The following ASXL3 variants were observed in gnomAD, a reference collection of about 807,000 sequenced individuals.
The protein encoded by ASXL3 is ASXL transcriptional regulator 3.
A neutral mutation model predicts 170.6 loss-of-function variants in ASXL3; 34 were observed. The ratio of observed to expected loss-of-function variants is 0.20; its 90% CI spans 0.15 to 0.27. The LOEUF (loss-of-function observed/expected upper bound fraction) is 0.27, where lower values mean the gene tolerates loss of function less well. ASXL3 is among the 10% of genes least tolerant of loss of function. ASXL3 has a pLI of 1.00. For synonymous variants in ASXL3, 1,002 were observed against 989.1 expected (o/e 1.01, Z -0.24); for missense variants, 2,592 against 2,695.3 (o/e 0.96, Z 0.85).
intron 5 of ASXL3, among the ~76,000 whole-genome samples, chr18:33,666,725 A>G (rs947571387): frequency 3.9e-5 from 6 of 152,214 alleles, no homozygotes; most frequent in Admixed American, 2.6e-4. Context: ...GGTGTTAGAC[A>G]TAGCCTCACA....
At position 33,745,354 on chromosome 18, in the gene ASXL3, G is replaced by C. The variant is rs200441915; in HGVS notation, c.5506G>C (p.Gly1836Arg). The C allele has an allele frequency of 1.5e-5, 25 of 1,613,970 alleles. No homozygotes were observed. The Admixed American group carries it at 4.2e-4, about 27-fold the overall frequency. ...HPKKRVARTV[G>R]EHTQVKCEPG... The stretch of plus-strand genomic sequence containing the variant: ...CAAAAAGAGAGTAGCTAGGACTGTA[G>C]GAGAACACACTCAAGTTAAATGTGA... Residue 1836 changes from glycine (G) to arginine (R), a missense_variant, in exon 12 of 12, where the codon GGA (glycine) becomes CGA (arginine). Coordinates refer to ENST00000269197, the MANE Select transcript of ASXL3 (RefSeq NM_030632.3).
chr18:33,647,836 TG>T (rs2065938017), intron 4 of ASXL3, among the ~76,000 whole-genome samples: 1 of 151,830 alleles, frequency 6.6e-6, no homozygotes, highest in Non-Finnish European at 1.5e-5. Context: ...TGGTGACAAG[TG>T]ATATGGGGCA....
chr18:33,696,637 G>T (rs1194877802), intron 8 of ASXL3, among the ~76,000 whole-genome samples: 1 of 152,036 alleles, frequency 6.6e-6, no homozygotes, highest in Non-Finnish European at 1.5e-5. Context: ...TCTGAGTGAG[G>T]GGGGCTGGAG....
intron 7 of ASXL3, among the ~76,000 whole-genome samples, chr18:33,677,399 A>T (rs942707680): frequency 1.2e-4 from 19 of 152,182 alleles, no homozygotes; most frequent in African/African-American, 4.6e-4. Context: ...TTTTAATTAA[A>T]AGTACAAAAT....
intron 10 of ASXL3, among the ~76,000 whole-genome samples, chr18:33,737,851 G>A (rs1272822109): frequency 2.0e-5 from 3 of 152,012 alleles, no homozygotes; most frequent in African/African-American, 4.8e-5. Context: ...TTCATCTTCC[G>A]TTCATCTTAA....
intron 1 of ASXL3, among the ~76,000 whole-genome samples, chr18:33,585,709 A>C (rs2065029079): frequency 6.6e-6 from 1 of 152,230 alleles, no homozygotes; most frequent in African/African-American, 2.4e-5. Context: ...AACTTAAATG[A>C]CATCCAAGGC....
intron 2 of ASXL3, chr18:33,614,818 A>C (rs1202812921): frequency 1.3e-5 from 2 of 151,608 alleles, no homozygotes; most frequent in Non-Finnish European, 2.9e-5. Flanking sequence ...TTTTGAAAGG[A>C]ATCTTTTTTT....
intron 10 of ASXL3, among the ~76,000 whole-genome samples, chr18:33,735,919 C>T (rs983672457): frequency 6.6e-6 from 1 of 152,114 alleles, no homozygotes; most frequent in African/African-American, 2.4e-5. Flanking sequence ...TTCAAGGGAC[C>T]TACATTACAG....
intron 1 of ASXL3, among the ~76,000 whole-genome samples, chr18:33,590,109 A>ATTTTTTTTTTTTTTTT (rs2065064334): frequency 2.2e-5 from 2 of 90,518 alleles, no homozygotes; most frequent in Admixed American, 9.8e-5. Context: ...TTTGCTTTCT[A>ATTTTTTTTTTTTTTTT]TGTTTTTTTT....
intron 3 of ASXL3, 51 bp downstream of exon 3, chr18:33,645,053 C>A: frequency 7.6e-7 from 1 of 1,311,716 alleles, no homozygotes; most frequent in South Asian, 1.4e-5. Flanking sequence ...TGCATTTTTT[C>A]AGACATGTGA....
At chr18:33,627,570 C>G (rs1259918100) in intron 2 of ASXL3, among the ~76,000 whole-genome samples, 4 of 152,096 alleles carry the variant, frequency 2.6e-5, no homozygotes, top group African/African-American at 9.7e-5. Context: ...TCCTTGTTCA[C>G]TCTTTTCCTT....
At chr18:33,710,623 T>G (rs1415605933) in intron 8 of ASXL3, among the ~76,000 whole-genome samples, 1 of 152,222 alleles carries the variant, frequency 6.6e-6, no homozygotes, top group Non-Finnish European at 1.5e-5. Flanking sequence ...TTAAATAGGA[T>G]CAATTCCAAC....
At position 33,665,390 on chromosome 18, in the gene ASXL3, T is replaced by C. The variant is rs373959376; in HGVS notation, c.477+3653T>C. Among the ~76,000 whole-genome samples the C allele has an allele frequency of 5.3e-5, 8 of 152,216 alleles. No homozygotes were observed. In the East Asian group the frequency reaches 1.2e-3, roughly 22 times the overall value. On this transcript the variant is annotated intron_variant, in intron 5 of 11. Coordinates refer to ENST00000269197, the MANE Select transcript of ASXL3 (RefSeq NM_030632.3). ...TTCCAAAGGTTATATTGCATGATAG[T>C]AGTTTCTGAACATGGGCATTGACAT...
chr18:33,747,864 T>G lies in ASXL3; in HGVS notation c.*1269T>G, dbSNP rs1376564159. On this transcript the variant is annotated 3_prime_UTR_variant, in exon 12 of 12. Coordinates refer to ENST00000269197, the MANE Select transcript of ASXL3 (RefSeq NM_030632.3). ...ACTGCATCTTAACAGTTATCTTCAG[T>G]GTGCATCCAGTAAAGTCTGCGTGTT... 6.6e-6 allele frequency: 1 copy of G among 152,218 alleles called. No individual in the cohort carries two copies. Among genetic ancestry groups the G allele is most frequent in the Non-Finnish European group, 1.5e-5 (1 of 68,032 alleles). The allele number at this position is 152,218 out of a possible 1,614,324, so 9.4% of individuals were successfully genotyped here.
intron 8 of ASXL3, among the ~76,000 whole-genome samples, chr18:33,721,686 C>T (rs2067262782): frequency 6.6e-6 from 1 of 152,078 alleles, no homozygotes; most frequent in East Asian, 1.9e-4. Flanking sequence ...TTTGTGTTCA[C>T]TTTTGCTTGA....
At chr18:33,603,434 C>G (rs901588927) in intron 1 of ASXL3, among the ~76,000 whole-genome samples, 10 of 151,780 alleles carry the variant, frequency 6.6e-5, no homozygotes, top group Non-Finnish European at 1.2e-4. Context: ...TTTTTTCTCC[C>G]CATACTAGGA....
intron 2 of ASXL3, among the ~76,000 whole-genome samples, chr18:33,637,519 G>A (rs1336424570): frequency 6.6e-6 from 1 of 152,052 alleles, no homozygotes; most frequent in Non-Finnish European, 1.5e-5. Context: ...TAATATGATG[G>A]GAGAGAATGA....
intron 4 of ASXL3, among the ~76,000 whole-genome samples, chr18:33,654,430 T>C (rs1460156075): frequency 6.6e-6 from 1 of 152,116 alleles, no homozygotes; most frequent in Non-Finnish European, 1.5e-5. Flanking sequence ...TTAGTTATAT[T>C]GTATAAGCAT....
chr18:33,734,504 A>G, intron 10 of ASXL3, 89 bp downstream of exon 10: 1 of 716,520 alleles, frequency 1.4e-6, no homozygotes, highest in South Asian at 3.2e-5. Context: ...TATGCTGTAA[A>G]ACTTAATAAA....
Sources: gnomAD v4.1 joint callset for allele counts (sites outside exome capture counted in the v4.1 genomes callset) on GRCh38, gnomAD v4.1.1 for gene constraint, MANE v1.5 for transcripts, NCBI Gene and HGNC (gene_info 2026-07-23, HGNC 2026-07-21) for gene names.